The following CSTF3 variants were observed in gnomAD, a reference collection of about 807,000 sequenced individuals.
The protein encoded by CSTF3 is cleavage stimulation factor subunit 3.
A neutral mutation model predicts 105.8 loss-of-function variants in CSTF3; 29 were observed. The observed-to-expected ratio is 0.27, with a 90% CI of 0.20 to 0.37. CSTF3 has a LOEUF of 0.37. Ranked by LOEUF, CSTF3 falls within the 10% of genes least tolerant of loss-of-function variation. The pLI, the probability that CSTF3 is intolerant of heterozygous loss-of-function variation, is 1.00. For synonymous variants in CSTF3, 252 were observed against 281.9 expected (o/e 0.89, Z 1.06); for missense variants, 357 against 879.3 (o/e 0.41, Z 7.51).
At position 33,090,523 on chromosome 11, in the gene CSTF3, A is replaced by T. The variant is rs762333080; in HGVS notation, c.1641+9T>A. The T allele has an allele frequency of 6.7e-7, 1 of 1,492,486 alleles. No homozygotes were observed. Among genetic ancestry groups the T allele is most frequent in the South Asian group, 1.5e-5 (1 of 67,480 alleles). The allele number at this position is 1,492,486 out of a possible 1,614,324, so 92.5% of individuals were successfully genotyped here. A position where few individuals can be genotyped will look rare whatever the true frequency, so the allele number is the denominator to read the frequency against. ...GAGGACACTCCACATCTTGATCCTAAGTACATACCTTATAACCAAGTGCTT... is the reference window on the plus strand; with the variant it reads ...GAGGACACTCCACATCTTGATCCTATGTACATACCTTATAACCAAGTGCTT... On this transcript the variant is annotated intron_variant, in intron 17 of 20. Transcript: ENST00000323959.
chr11:33,137,186 C>CT (rs1394528322), intron 3 of CSTF3, among the ~76,000 whole-genome samples: 1 of 151,712 alleles, frequency 6.6e-6, no homozygotes, highest in African/African-American at 2.4e-5. Context: ...ATTAGTTTTG[C>CT]TTTATAAAGC....
intron 9 of CSTF3, 96 bp from the exon 10 acceptor site, chr11:33,102,435 C>T: frequency 9.4e-7 from 1 of 1,059,666 alleles, no homozygotes; most frequent in Non-Finnish European, 1.4e-6. Context: ...TTCAAGATGC[C>T]TACTTTTTCC....
At chr11:33,111,027 G>A (rs1237479398) in intron 3 of CSTF3, among the ~76,000 whole-genome samples, 1 of 152,002 alleles carries the variant, frequency 6.6e-6, no homozygotes, top group Non-Finnish European at 1.5e-5. Context: ...TCAGGAGTTC[G>A]AGACCAGCCT....
intron 3 of CSTF3, among the ~76,000 whole-genome samples, chr11:33,109,063 A>G (rs1314705421): frequency 2.0e-5 from 3 of 152,226 alleles, no homozygotes; most frequent in African/African-American, 7.2e-5. Context: ...GGGGAATTGC[A>G]AAAGATTTCC....
At chr11:33,141,482 C>T in intron 3 of CSTF3, 185 bp downstream of exon 3, 1 of 1,310,186 alleles carries the variant, frequency 7.6e-7, no homozygotes, top group South Asian at 2.7e-5. Context: ...CAACAATCAT[C>T]AGCTTGTAAA....
intron 3 of CSTF3, among the ~76,000 whole-genome samples, chr11:33,131,784 G>A (rs1024135432): frequency 2.0e-5 from 3 of 152,144 alleles, no homozygotes; most frequent in African/African-American, 7.2e-5. Flanking sequence ...CCCGGGAGGT[G>A]GAGCCTGCAG....
chr11:33,152,744 A>C (rs899479045), intron 1 of CSTF3, among the ~76,000 whole-genome samples: 5 of 152,046 alleles, frequency 3.3e-5, no homozygotes, highest in African/African-American at 1.2e-4. Context: ...GCGGATCACA[A>C]GGTCAGGAGT....
At chr11:33,139,331 ACT>A (rs2133797477) in intron 3 of CSTF3, among the ~76,000 whole-genome samples, 1 of 152,098 alleles carries the variant, frequency 6.6e-6, no homozygotes, top group East Asian at 1.9e-4. Context: ...ACCATGAAGT[ACT>A]GAGTTACAAC....
chr11:33,128,317 T>C (rs1855565589), intron 3 of CSTF3, among the ~76,000 whole-genome samples: 1 of 152,092 alleles, frequency 6.6e-6, no homozygotes, highest in East Asian at 1.9e-4. Context: ...TTCTTAATTG[T>C]ATTAGTTTCT....
intron 15 of CSTF3, among the ~76,000 whole-genome samples, chr11:33,095,661 A>T (rs1213116977): frequency 2.0e-5 from 3 of 151,332 alleles, no homozygotes; most frequent in African/African-American, 7.3e-5. Flanking sequence ...CTCTACTAAA[A>T]ATACAAAAAA....
chr11:33,152,168 T>A lies in CSTF3; in HGVS notation c.27+9131A>T, dbSNP rs1476195961. On this transcript the variant is annotated intron_variant, in intron 1 of 20. Transcript: ENST00000323959. ...TACTCAGGAGGCTAAGGTGGGAGGA[T>A]CCCTTGAGCCGGCGGGGAGGGGCAG... Among the ~76,000 whole-genome samples the A allele has an allele frequency of 2.6e-5, 4 of 152,206 alleles. No homozygotes were observed. In the South Asian group the frequency reaches 6.2e-4, roughly 24 times the overall value.
intron 5 of CSTF3, 40 bp from the exon 6 acceptor site, chr11:33,106,104 G>C: frequency 6.5e-7 from 1 of 1,527,398 alleles, no homozygotes. Flanking sequence ...AAATTTTTTT[G>C]TTATTAAAAT....
intron 9 of CSTF3, among the ~76,000 whole-genome samples, 175 bp from the exon 10 acceptor site, chr11:33,102,514 C>T (rs1314778521): frequency 1.3e-5 from 2 of 152,164 alleles, no homozygotes; most frequent in Non-Finnish European, 1.5e-5. Flanking sequence ...GTATTACCCA[C>T]TCAAGAACAG....
At chr11:33,096,009 CAG>C (rs1307319948) in intron 15 of CSTF3, among the ~76,000 whole-genome samples, 2 of 151,874 alleles carry the variant, frequency 1.3e-5, no homozygotes, top group African/African-American at 2.4e-5. Context: ...ATGATCTGCC[CAG>C]AGTCATCAGA....
intron 3 of CSTF3, among the ~76,000 whole-genome samples, chr11:33,108,709 G>A (rs1198187680): frequency 1.3e-5 from 2 of 152,074 alleles, no homozygotes; most frequent in Admixed American, 6.5e-5. Flanking sequence ...ACACATACCC[G>A]ATAGGTCTAC....
At chr11:33,155,832 A>G (rs1014464059) in intron 1 of CSTF3, among the ~76,000 whole-genome samples, 4 of 152,050 alleles carry the variant, frequency 2.6e-5, no homozygotes, top group African/African-American at 9.7e-5. Context: ...ATGGTAGAAA[A>G]GCTTAAAATC....
In CSTF3 at chr11:33,105,560, A is replaced by G; in HGVS notation, c.585+7T>C. ...TTATAATAAACAACTACTCTGACCT[A>G]ATTTACCTCTTCATACTTGTTATAG... On this transcript the variant is annotated splice_region_variant and intron_variant, in intron 8 of 20. Coordinates refer to ENST00000323959, the MANE Select transcript of CSTF3 (RefSeq NM_001326.3). 1 of 1,603,848 alleles carries G rather than the reference A, an allele frequency of 6.2e-7. No homozygotes were observed. Among genetic ancestry groups the G allele is most frequent in the African/African-American group, 1.3e-5 (1 of 74,486 alleles).
At chr11:33,108,520 G>A in intron 3 of CSTF3, 102 bp from the exon 4 acceptor site, 1 of 840,626 alleles carries the variant, frequency 1.2e-6, no homozygotes, top group South Asian at 3.8e-5. Context: ...CATCCCTATA[G>A]TTTCTTATTA....
At chr11:33,111,261 G>A (rs562374202) in intron 3 of CSTF3, among the ~76,000 whole-genome samples, 13 of 152,058 alleles carry the variant, frequency 8.5e-5, no homozygotes, top group African/African-American at 2.7e-4. Context: ...AGAATAGAGA[G>A]GTAATTGTAC....
Sources: allele counts gnomAD v4.1 joint callset (sites outside exome capture counted in the v4.1 genomes callset), GRCh38; gene constraint gnomAD v4.1.1; transcripts MANE v1.5; gene names NCBI Gene and HGNC (gene_info 2026-07-23, HGNC 2026-07-21).